Variants in MOV10L1 observed in about 807,000 individuals in gnomAD.
MOV10L1 encodes the protein RNA helicase Mov10l1.
In MOV10L1, 110 loss-of-function variants were observed where a neutral mutation model predicts 143.8. The observed-to-expected ratio is 0.76, with a 90% CI of 0.66 to 0.90. The LOEUF (loss-of-function observed/expected upper bound fraction) is 0.90. Among genes scored for constraint, MOV10L1 ranks in the 40% least tolerant of loss-of-function variants. MOV10L1 has a pLI of 0.00. For synonymous variants in MOV10L1, 593 were observed against 581.1 expected (o/e 1.02, Z -0.29); for missense variants, 1,406 against 1,526.8 (o/e 0.92, Z 1.32).
At chr22:50,097,511 G>A (rs1414325995) in intron 2 of MOV10L1, among the ~76,000 whole-genome samples, 1 of 151,934 alleles carries the variant, frequency 6.6e-6, no homozygotes, top group Admixed American at 6.6e-5. Flanking sequence ...TTTTTTTTGA[G>A]ACTGCACAAT....
chr22:50,146,565 A>G (rs901957253), intron 19 of MOV10L1, among the ~76,000 whole-genome samples: 1 of 152,090 alleles, frequency 6.6e-6, no homozygotes, highest in Non-Finnish European at 1.5e-5. Flanking sequence ...GGGAGAAGCC[A>G]GGGCCTCTGA....
At chr22:50,124,721 C>T (rs1427916972) in intron 10 of MOV10L1, among the ~76,000 whole-genome samples, 1 of 152,146 alleles carries the variant, frequency 6.6e-6, no homozygotes, top group Non-Finnish European at 1.5e-5. Context: ...TGAGTGGGTC[C>T]CCTGACCCTC....
chr22:50,134,296 T>G (rs983209423), intron 14 of MOV10L1, among the ~76,000 whole-genome samples: 1 of 151,268 alleles, frequency 6.6e-6, no homozygotes, highest in African/African-American at 2.4e-5. Context: ...TCTTGCTCGC[T>G]TTTCCCTTCA....
chr22:50,142,692 C>T (rs531996809), intron 16 of MOV10L1, among the ~76,000 whole-genome samples: 1 of 151,726 alleles, frequency 6.6e-6, no homozygotes, highest in Admixed American at 6.6e-5. Context: ...AAAAATTAGC[C>T]AGGTGTGGTG....
intron 18 of MOV10L1, among the ~76,000 whole-genome samples, chr22:50,144,929 G>A (rs908603735): frequency 2.6e-5 from 4 of 151,802 alleles, no homozygotes; most frequent in East Asian, 3.9e-4. Flanking sequence ...GTTATAGAGC[G>A]AAGTATTGCT....
chr22:50,152,987 G>A lies in MOV10L1; in HGVS notation c.2893-58G>A, dbSNP rs1398291161. 4 of 1,516,886 alleles carry A rather than the reference G, an allele frequency of 2.6e-6. No homozygotes were observed. Among genetic ancestry groups the A allele is most frequent in the South Asian group, 2.5e-5 (2 of 79,858 alleles). The allele number at this position is 1,516,886 out of a possible 1,614,324, so 94.0% of individuals were successfully genotyped here. A position where few individuals can be genotyped will look rare whatever the true frequency, so the allele number is the denominator to read the frequency against. On this transcript the variant is annotated intron_variant, in intron 21 of 26. Coordinates refer to ENST00000262794, the MANE Select transcript of MOV10L1 (RefSeq NM_018995.3). The surrounding 1 kb of genome is among the most constrained non-coding windows in gnomAD (Gnocchi z 4.4). ...TGCTGTGCAGAGCCGCTTTTCGTTC[G>A]ACAGAAACTGTGCCGGGTACCACCT...
In MOV10L1 at chr22:50,108,791, C is replaced by G; in HGVS notation, c.690C>G (p.Ser230Arg). Residue 230 changes from serine (S) to arginine (R), a missense_variant, in exon 5 of 27, where the codon AGC becomes AGG. By Grantham distance (110) the Ser-to-Arg change is moderately radical. Transcript: ENST00000262794. The stretch of plus-strand genomic sequence containing the variant: ...TGGTCAATGCAGTGGTGGTGGAGAG[C>G]AGCCAGTCATGCTATGTCTGGAGGG... ...GDVVNAVVVESSQSCYVWRAL... is the reference protein window; with the variant it reads ...GDVVNAVVVERSQSCYVWRAL... 1 of 1,614,204 alleles carries G rather than the reference C, an allele frequency of 6.2e-7. No homozygotes were observed. The highest frequency in any genetic ancestry group is 8.5e-7 in the Non-Finnish European group (1 of 1,180,048).
chr22:50,125,090 T>C (rs2062459361), intron 10 of MOV10L1, among the ~76,000 whole-genome samples: 1 of 152,220 alleles, frequency 6.6e-6, no homozygotes, highest in Non-Finnish European at 1.5e-5. Context: ...TTCCCAGAAT[T>C]AACGTGGACA....
rs201978143 is a variant in MOV10L1 at position 50,158,212 on chromosome 22, C to T, written c.3216+6C>T. ...TCACGCCCTACCGGAAGCAGGTACG[C>T]CCTGCCCAGGCACGCCTGGTTCTGT... is the stretch of plus-strand genomic sequence containing the variant. On this transcript the variant is annotated splice_donor_region_variant and intron_variant, in intron 23 of 26. Transcript: ENST00000262794. The surrounding 1 kb of genome is among the most constrained non-coding windows in gnomAD (Gnocchi z 5.0). 2 of 1,614,032 alleles carry T rather than the reference C, an allele frequency of 1.2e-6. No homozygotes were observed. Among genetic ancestry groups the T allele is most frequent in the East Asian group, 2.2e-5 (1 of 44,876 alleles).
At chr22:50,126,355 T>A in intron 12 of MOV10L1, 83 bp downstream of exon 12, 1 of 1,007,850 alleles carries the variant, frequency 9.9e-7, no homozygotes. Flanking sequence ...CCACGGCTCT[T>A]GGGGAGATGC....
At chr22:50,114,346 C>T (rs767789120) in intron 6 of MOV10L1, 35 bp from the exon 7 acceptor site, 2 of 1,602,346 alleles carry the variant, frequency 1.2e-6, no homozygotes, top group Non-Finnish European at 1.7e-6. Context: ...TTTTAGAAAT[C>T]CTGGCTGTGT....
chr22:50,155,683 C>T (rs182711603), intron 22 of MOV10L1, among the ~76,000 whole-genome samples: 1 of 152,300 alleles, frequency 6.6e-6, no homozygotes, highest in Admixed American at 6.5e-5. Context: ...ACCATGTTGG[C>T]CCAGCTGGTC....
At chr22:50,140,904 T>G (rs1174945637) in intron 15 of MOV10L1, among the ~76,000 whole-genome samples, 3 of 152,160 alleles carry the variant, frequency 2.0e-5, no homozygotes. Flanking sequence ...CTTTTGATTT[T>G]ATAGATTCCA....
intron 14 of MOV10L1, 126 bp from the exon 15 acceptor site, chr22:50,134,404 C>A: frequency 1.4e-6 from 1 of 706,668 alleles, no homozygotes; most frequent in Non-Finnish European, 2.4e-6. Context: ...AACAGTATAA[C>A]AGGCAGGTTA....
chr22:50,149,519 C>T, intron 19 of MOV10L1, 96 bp from the exon 20 acceptor site: 1 of 1,238,488 alleles, frequency 8.1e-7, no homozygotes, highest in Non-Finnish European at 1.1e-6. Flanking sequence ...CCTGCTGTGC[C>T]CCCGGGGTGC....
intron 15 of MOV10L1, among the ~76,000 whole-genome samples, chr22:50,135,186 G>T (rs1344626376): frequency 2.6e-5 from 4 of 151,726 alleles, no homozygotes; most frequent in Admixed American, 2.6e-4. Context: ...GCTAATTTTT[G>T]TATTTTTAGT....
chr22:50,152,940 G>C lies in MOV10L1; in HGVS notation c.2893-105G>C, dbSNP rs2063336213. On this transcript the variant is annotated intron_variant, in intron 21 of 26. Coordinates refer to ENST00000262794, the MANE Select transcript of MOV10L1 (RefSeq NM_018995.3). This position sits in a 1 kb window ranked among gnomAD's most constrained non-coding sequence, Gnocchi z 4.4. The stretch of plus-strand genomic sequence containing the variant: ...GGGCGCAGGAGCAGAGTCAGGCTTG[G>C]AAGTCAGGCAGGCCTCACGTTTGCT... 5 of 1,198,436 alleles carry C rather than the reference G, an allele frequency of 4.2e-6. No homozygotes were observed. Among genetic ancestry groups the C allele is most frequent in the Non-Finnish European group, 5.9e-6 (5 of 848,784 alleles). 74.2% of individuals were successfully genotyped at this position (1,198,436 alleles called of 1,614,324 possible).
intron 3 of MOV10L1, among the ~76,000 whole-genome samples, chr22:50,104,032 C>T (rs1011666683): frequency 6.6e-6 from 1 of 152,106 alleles, no homozygotes; most frequent in Non-Finnish European, 1.5e-5. Context: ...TAGATGGTCC[C>T]ATCTGGGGGT....
intron 5 of MOV10L1, among the ~76,000 whole-genome samples, chr22:50,112,338 C>A (rs2062047010): frequency 6.6e-6 from 1 of 152,202 alleles, no homozygotes; most frequent in Non-Finnish European, 1.5e-5. Flanking sequence ...AAGACCTGCA[C>A]CTCCTCCCTA....
Sources: allele counts gnomAD v4.1 joint callset (sites outside exome capture counted in the v4.1 genomes callset), GRCh38; gene constraint gnomAD v4.1.1; non-coding constraint Gnocchi (gnomAD v3.1); transcripts MANE v1.5; gene names NCBI Gene and HGNC (gene_info 2026-07-23, HGNC 2026-07-21).